The following DMRT1 variants were observed in gnomAD, a reference collection of about 807,000 sequenced individuals.
DMRT1 encodes the protein doublesex and mab-3 related transcription factor 1.
Under a neutral mutation model 32.3 loss-of-function variants are expected in DMRT1, and 7 were observed. The observed-to-expected ratio is 0.22, with a 90% CI of 0.12 to 0.41. The LOEUF (loss-of-function observed/expected upper bound fraction) is 0.41, where lower values mean the gene tolerates loss of function less well. Ranked by LOEUF, DMRT1 falls within the 10% of genes least tolerant of loss-of-function variation. The pLI, the probability that DMRT1 is intolerant of heterozygous loss-of-function variation, is 1.00. For missense variants in DMRT1, 625 were observed against 500.5 expected (o/e 1.25, Z -2.37); for synonymous variants, 278 against 206.1 (o/e 1.35, Z -2.99).
intron 2 of DMRT1, among the ~76,000 whole-genome samples, chr9:872,999 G>A (rs1186814332): frequency 1.3e-5 from 2 of 152,210 alleles, no homozygotes; most frequent in Non-Finnish European, 2.9e-5. Context: ...TCACATGCCA[G>A]TGTCTTTCGG....
At chr9:948,940 A>AATC (rs1819339316) in intron 4 of DMRT1, among the ~76,000 whole-genome samples, 1 of 148,172 alleles carries the variant, frequency 6.7e-6, no homozygotes, top group Non-Finnish European at 1.5e-5. Flanking sequence ...TAATAATAAT[A>AATC]ATAATAGCCG....
Position 883,284 on chromosome 9 carries a change from C to G in DMRT1, c.539-10628C>G, listed in dbSNP as rs141847757. The stretch of plus-strand genomic sequence containing the variant: ...ACCAAATTACGTTAAAAAGATAAGA[C>G]AAAAATCTCTTCCTGGGAGAAAGGA... On this transcript the variant is annotated intron_variant, in intron 2 of 4. Coordinates refer to ENST00000382276, the MANE Select transcript of DMRT1 (RefSeq NM_021951.3). 3.3e-5 allele frequency among the ~76,000 whole-genome samples: 5 copies of G among 151,524 alleles called. No homozygotes were observed. In the East Asian group the frequency reaches 9.7e-4, roughly 29 times the overall value.
At chr9:879,459 G>A (rs1376797469) in intron 2 of DMRT1, among the ~76,000 whole-genome samples, 1 of 152,170 alleles carries the variant, frequency 6.6e-6, no homozygotes, top group Non-Finnish European at 1.5e-5. Flanking sequence ...ATAGGATGTA[G>A]GTGGGTTTGC....
chr9:859,760 G>A (rs1182892364), intron 2 of DMRT1, among the ~76,000 whole-genome samples: 2 of 152,130 alleles, frequency 1.3e-5, no homozygotes, highest in African/African-American at 4.8e-5. Flanking sequence ...AGAAAAAAAT[G>A]TGTAAGAAAC....
intron 2 of DMRT1, among the ~76,000 whole-genome samples, chr9:874,446 A>G (rs1353578800): frequency 2.0e-5 from 3 of 152,126 alleles, no homozygotes. Context: ...GAACTTGTAT[A>G]TAAGTTTATT....
At chr9:894,518 A>G (rs951036420) in intron 3 of DMRT1, 2 of 386,670 alleles carry the variant, frequency 5.2e-6, no homozygotes, top group Non-Finnish European at 9.9e-6. Flanking sequence ...ATGTTGCATA[A>G]ATAACCAGTT....
At chr9:880,724 CAAA>C (rs754419367) in intron 2 of DMRT1, among the ~76,000 whole-genome samples, 5 of 62,068 alleles carry the variant, frequency 8.1e-5, no homozygotes, top group African/African-American at 1.5e-4. Context: ...AACTCAGTCT[CAAA>C]AAAAAAAAAA....
At chr9:912,819 C>G (rs1818035636) in intron 3 of DMRT1, among the ~76,000 whole-genome samples, 1 of 152,094 alleles carries the variant, frequency 6.6e-6, no homozygotes, top group Non-Finnish European at 1.5e-5. Flanking sequence ...TGAAAATATC[C>G]AGGGCCCAGG....
chr9:847,198 G>T lies in DMRT1; in HGVS notation c.538+55G>T. On this transcript the variant is annotated intron_variant, in intron 2 of 4. Transcript: ENST00000382276. ...AGGCTGGGCATGAGGGAGGCCGAAG[G>T]GTTGCAGCCACAGAAGCAGGGCTCC... 3.2e-6 allele frequency: 5 copies of T among 1,578,158 alleles called. No homozygotes were observed. In the South Asian group the frequency reaches 3.4e-5, roughly 11 times the overall value.
chr9:942,253 T>C (rs937793135), intron 4 of DMRT1, among the ~76,000 whole-genome samples: 5 of 152,340 alleles, frequency 3.3e-5, no homozygotes, highest in African/African-American at 1.2e-4. Flanking sequence ...TGTGTCTTTC[T>C]TTAAAGAGAA....
intron 3 of DMRT1, among the ~76,000 whole-genome samples, chr9:905,732 A>G (rs561055689): frequency 6.6e-6 from 1 of 152,046 alleles, no homozygotes; most frequent in Non-Finnish European, 1.5e-5. Context: ...GCTGCTGGGC[A>G]CTTCCTGTCT....
chr9:848,249 G>A (rs2132545912), intron 2 of DMRT1, among the ~76,000 whole-genome samples: 1 of 152,314 alleles, frequency 6.6e-6, no homozygotes, highest in Admixed American at 6.5e-5. Context: ...CTTTGGAGAA[G>A]TTACTTAAGC....
intron 3 of DMRT1, among the ~76,000 whole-genome samples, chr9:904,885 TG>T (rs2129698013): frequency 6.7e-6 from 1 of 148,260 alleles, no homozygotes; most frequent in South Asian, 2.1e-4. Flanking sequence ...TAGGTTGCGG[TG>T]AGCCGAGATT....
intron 4 of DMRT1, among the ~76,000 whole-genome samples, chr9:967,242 T>C (rs922312732): frequency 6.6e-6 from 1 of 152,216 alleles, no homozygotes; most frequent in Non-Finnish European, 1.5e-5. Context: ...TTATCTACTG[T>C]GGCTGCTAAG....
intron 2 of DMRT1, among the ~76,000 whole-genome samples, chr9:863,944 T>C (rs144923909): frequency 1.3e-5 from 2 of 152,236 alleles, no homozygotes; most frequent in Non-Finnish European, 2.9e-5. Context: ...CCCTTTTTGA[T>C]ATGAGGTGCA....
intron 2 of DMRT1, among the ~76,000 whole-genome samples, chr9:875,258 G>C (rs1451692239): frequency 2.0e-5 from 3 of 152,130 alleles, no homozygotes; most frequent in African/African-American, 7.2e-5. Context: ...TAAACCTTGA[G>C]AATTGTGGGT....
intron 2 of DMRT1, among the ~76,000 whole-genome samples, chr9:855,224 C>T (rs1329064745): frequency 7.2e-5 from 11 of 152,006 alleles, no homozygotes; most frequent in Admixed American, 6.6e-5. Context: ...AAACAAAGTA[C>T]GTAGGAAGTA....
At chr9:855,647 T>A (rs1365009401) in intron 2 of DMRT1, among the ~76,000 whole-genome samples, 1 of 152,234 alleles carries the variant, frequency 6.6e-6, no homozygotes. Flanking sequence ...TGAGACAGGG[T>A]CTCGCTTTTT....
At chr9:857,316 A>AT (rs71327348) in intron 2 of DMRT1, among the ~76,000 whole-genome samples, 50,843 of 151,600 alleles carry the variant, frequency 0.34, 10,646 homozygotes, top group Non-Finnish European at 0.47. Flanking sequence ...CAAAAAAAAT[A>AT]TATATATGTG....
Sources: gnomAD v4.1 joint callset for allele counts (sites outside exome capture counted in the v4.1 genomes callset) on GRCh38, gnomAD v4.1.1 for gene constraint, MANE v1.5 for transcripts, NCBI Gene and HGNC (gene_info 2026-07-23, HGNC 2026-07-21) for gene names.